Variants in CDH1 observed in about 807,000 individuals in gnomAD.
CDH1 encodes cadherin-1.
Under a neutral mutation model 84.5 loss-of-function variants are expected in CDH1, and 35 were observed. The ratio of observed to expected loss-of-function variants is 0.41; its 90% CI spans 0.32 to 0.55. CDH1 has a LOEUF of 0.55. Among genes scored for constraint, CDH1 ranks in the 20% least tolerant of loss-of-function variants. The pLI is 0.19. For synonymous variants in CDH1, 417 were observed against 439.0 expected, an observed-to-expected ratio of 0.95 and a Z score of 0.63; for missense variants, 994 against 1,126.6, an observed-to-expected ratio of 0.88 and a Z score of 1.68.
chr16:68,751,951 TA>T (rs1256181364), intron 2 of CDH1, among the ~76,000 whole-genome samples: 7 of 105,604 alleles, frequency 6.6e-5, no homozygotes, highest in Non-Finnish European at 1.4e-4. Context: ...TGTATTTTTG[TA>T]TTTTTTTTTT....
intron 2 of CDH1, among the ~76,000 whole-genome samples, chr16:68,771,583 C>A (rs1328081107): frequency 6.6e-5 from 10 of 152,172 alleles, no homozygotes; most frequent in African/African-American, 2.4e-4. Flanking sequence ...GAAACCCCGT[C>A]TCTATTAAAA....
At chr16:68,779,264 C>A (rs1959810902) in intron 2 of CDH1, among the ~76,000 whole-genome samples, 1 of 152,318 alleles carries the variant, frequency 6.6e-6, no homozygotes, top group East Asian at 1.9e-4. Context: ...TGCCACCCTC[C>A]TTTGGTGACT....
intron 13 of CDH1, among the ~76,000 whole-genome samples, chr16:68,823,912 C>A (rs933321089): frequency 6.6e-6 from 1 of 151,486 alleles, no homozygotes; most frequent in African/African-American, 2.4e-5. Flanking sequence ...AGCTTGAGAG[C>A]ATACAAATCA....
At position 68,813,346 on chromosome 16, in the gene CDH1, G is replaced by T. The variant is rs556110297; in HGVS notation, c.1171G>T (p.Val391Phe). 3 of 1,614,146 alleles carry T rather than the reference G, an allele frequency of 1.9e-6. No homozygotes were observed. The highest frequency in any genetic ancestry group is 4.5e-5 in the East Asian group (2 of 44,880). The change falls in exon 9 of 16, where the codon GTC (valine) becomes TTC (phenylalanine). Residue 391 changes from valine to phenylalanine, a missense_variant. Coordinates refer to ENST00000261769, the MANE Select transcript of CDH1 (RefSeq NM_004360.5). ...TCAGGTGCCTGAGAACGAGGCTAAC[G>T]TCGTAATCACCACACTGAAAGTGAC... ...KGQVPENEAN[V>F]VITTLKVTDA...
chr16:68,767,964 T>A (rs1474268197), intron 2 of CDH1, among the ~76,000 whole-genome samples: 4 of 151,974 alleles, frequency 2.6e-5, no homozygotes, highest in Non-Finnish European at 5.9e-5. Context: ...AATTACTTTT[T>A]TTTTTTTTGA....
At chr16:68,828,134 T>G (rs1961369388) in intron 13 of CDH1, 40 bp from the exon 14 acceptor site, 1 of 1,612,422 alleles carries the variant, frequency 6.2e-7, no homozygotes, top group Non-Finnish European at 8.5e-7. Flanking sequence ...TTCTTTATCT[T>G]TGGCTCTCAA....
chr16:68,820,371 G>A (rs1961108670), intron 11 of CDH1, among the ~76,000 whole-genome samples: 1 of 140,534 alleles, frequency 7.1e-6, no homozygotes. Context: ...TTTTTTTTGA[G>A]ACAGAGTCTT....
intron 2 of CDH1, among the ~76,000 whole-genome samples, chr16:68,764,091 A>G (rs552818725): frequency 6.6e-6 from 1 of 152,172 alleles, no homozygotes; most frequent in African/African-American, 2.4e-5. Context: ...TTGTTTGTTT[A>G]CTTGTTAAAA....
chr16:68,786,926 C>T (rs1161104374), intron 2 of CDH1, among the ~76,000 whole-genome samples: 1 of 152,202 alleles, frequency 6.6e-6, no homozygotes, highest in Non-Finnish European at 1.5e-5. Flanking sequence ...GGGTCCGAGC[C>T]TTTCCAGCAC....
Position 68,772,552 on chromosome 16 carries a change from G to A in CDH1, c.164-29118G>A, listed in dbSNP as rs140936490. Among the ~76,000 whole-genome samples, 534 of 152,204 alleles carry A rather than the reference G, an allele frequency of 3.5e-3. 2 individuals carry two copies. The highest frequency in any genetic ancestry group is 0.013 in the African/African-American group (524 of 41,538). ...GCCTGGCTCTGGGCTAACCCGCACC[G>A]TATACAGATCTTATATATACTTCAC... On this transcript the variant is annotated intron_variant, in intron 2 of 15. Coordinates refer to ENST00000261769, the MANE Select transcript of CDH1 (RefSeq NM_004360.5).
chr16:68,787,028 T>A (rs1311050368), intron 2 of CDH1, among the ~76,000 whole-genome samples: 1 of 152,242 alleles, frequency 6.6e-6, no homozygotes, highest in African/African-American at 2.4e-5. Flanking sequence ...ATTCAAAGGT[T>A]CTGAATTCCA....
chr16:68,737,899 A>T (rs1332495872), intron 1 of CDH1, among the ~76,000 whole-genome samples: 9 of 152,194 alleles, frequency 5.9e-5, no homozygotes, highest in Admixed American at 2.6e-4. Flanking sequence ...GAAAGGTCGT[A>T]AATAGGAGTG....
At chr16:68,788,676 A>AT (rs1238594430) in intron 2 of CDH1, among the ~76,000 whole-genome samples, 4 of 152,086 alleles carry the variant, frequency 2.6e-5, no homozygotes, top group Non-Finnish European at 5.9e-5. Context: ...ACATTTACAC[A>AT]TTTTTTTAAA....
At chr16:68,826,192 G>C (rs1477792446) in intron 13 of CDH1, among the ~76,000 whole-genome samples, 1 of 152,020 alleles carries the variant, frequency 6.6e-6, no homozygotes, top group East Asian at 1.9e-4. Context: ...TTTGCTATGG[G>C]TATGTATTTT....
At chr16:68,754,938 C>A (rs1010326989) in intron 2 of CDH1, among the ~76,000 whole-genome samples, 4 of 152,036 alleles carry the variant, frequency 2.6e-5, no homozygotes, top group Admixed American at 2.6e-4. Flanking sequence ...GCAGTCATCA[C>A]TAAGAAGGAT....
At chr16:68,793,575 C>T (rs1960269964) in intron 2 of CDH1, among the ~76,000 whole-genome samples, 2 of 152,134 alleles carry the variant, frequency 1.3e-5, no homozygotes, top group Non-Finnish European at 2.9e-5. Context: ...GGTTAAGTTC[C>T]TTCTCTGTTT....
chr16:68,806,331 G>T (rs1365798636), intron 3 of CDH1, among the ~76,000 whole-genome samples: 1 of 151,884 alleles, frequency 6.6e-6, no homozygotes, highest in Non-Finnish European at 1.5e-5. Flanking sequence ...TGTATTTTTA[G>T]TAGAGGCAGG....
At chr16:68,810,406 T>C (rs1250672623) in intron 6 of CDH1, 65 bp downstream of exon 6, 1 of 1,497,360 alleles carries the variant, frequency 6.7e-7, no homozygotes, top group Non-Finnish European at 9.3e-7. Flanking sequence ...CCCCAAAGTG[T>C]TGTCCAAGCC....
chr16:68,785,452 A>G (rs1960019524), intron 2 of CDH1, among the ~76,000 whole-genome samples: 1 of 152,086 alleles, frequency 6.6e-6, no homozygotes, highest in Non-Finnish European at 1.5e-5. Flanking sequence ...TCAGCTTCCC[A>G]AAGTGCTGGG....
Sources: allele counts gnomAD v4.1 joint callset (sites outside exome capture counted in the v4.1 genomes callset), GRCh38; gene constraint gnomAD v4.1.1; transcripts MANE v1.5; gene names NCBI Gene and HGNC (gene_info 2026-07-23, HGNC 2026-07-21).